PDGFRB: variants seen among roughly 807,000 people sequenced by gnomAD.
The protein encoded by PDGFRB is platelet derived growth factor receptor beta, also known as platelet-derived growth factor receptor beta.
Under a neutral mutation model 120.2 loss-of-function variants are expected in PDGFRB, and 42 were observed. That is an observed-to-expected ratio of 0.35 (90% confidence interval 0.27 to 0.45). The LOEUF is 0.45. Among genes scored for constraint, PDGFRB ranks in the 20% least tolerant of loss-of-function variants. PDGFRB has a pLI of 1.00. For missense variants in PDGFRB, 1,149 were observed against 1,476.3 expected (o/e 0.78, Z 3.63); for synonymous variants, 586 against 606.8 (o/e 0.97, Z 0.50).
At chr5:150,130,091 A>G in intron 9 of PDGFRB, 123 bp from the exon 10 acceptor site, 1 of 775,758 alleles carries the variant, frequency 1.3e-6, no homozygotes, top group Non-Finnish European at 2.2e-6. Flanking sequence ...CCTGTTTCCG[A>G]GCGGGCTCCT....
chr5:150,142,061 G>A (rs1460557345), intron 1 of PDGFRB, among the ~76,000 whole-genome samples: 1 of 152,148 alleles, frequency 6.6e-6, no homozygotes, highest in Non-Finnish European at 1.5e-5. Context: ...CTGGCCATGG[G>A]GTTATGGGGT....
chr5:150,148,713 T>C (rs895420855), intron 1 of PDGFRB, among the ~76,000 whole-genome samples: 2 of 152,254 alleles, frequency 1.3e-5, no homozygotes, highest in African/African-American at 4.8e-5. Context: ...CCAGAGATGA[T>C]GACGCACAGC....
In PDGFRB at chr5:150,124,786, G is replaced by A. The variant is rs139554380; in HGVS notation, c.1853C>T (p.Thr618Met). 1.2e-6 allele frequency: 2 copies of A among 1,608,914 alleles called. No homozygotes were observed. The highest frequency in any genetic ancestry group is 2.2e-5 in the East Asian group (1 of 44,836). Residue 618 changes from threonine (T) to methionine (M), a missense_variant, in exon 13 of 23, where the codon ACG becomes ATG. Around this residue, in one of 3 missense-constraint regions of PDGFRB, gnomAD observed 879 missense variants for 1,108.6 expected, o/e 0.79. Coordinates refer to ENST00000261799, the MANE Select transcript of PDGFRB (RefSeq NM_002609.4). ...CTGAGAATGGCTCAGGCCATGAGCC[G>A]TGGCCTCCACCACCTGCCCAAAGGC... ...SGAFGQVVEA[T>M]AHGLSHSQAT...
intron 4 of PDGFRB, 40 bp from the exon 5 acceptor site, chr5:150,134,048 A>G (rs778698619): frequency 6.3e-7 from 1 of 1,581,794 alleles, no homozygotes; most frequent in Non-Finnish European, 8.6e-7. Context: ...GGAAGTCACC[A>G]CCAGCCACTA....
intron 1 of PDGFRB, among the ~76,000 whole-genome samples, chr5:150,142,058 T>C (rs1221408654): frequency 6.6e-6 from 1 of 151,940 alleles, no homozygotes; most frequent in Non-Finnish European, 1.5e-5. Flanking sequence ...GGCCTGGCCA[T>C]GGGGTTATGG....
Position 150,129,964 on chromosome 5 carries a change from G to T in PDGFRB, c.1372C>A (p.Pro458Thr). ...WSACRDLKRCPRELPPTLLGN... is the reference protein window; with the variant it reads ...WSACRDLKRCTRELPPTLLGN... ...AGCAGCGTGGGCGGCAGCTCACGTG[G>T]ACACCTGCCAGGAGAGCCGGTAGGG... Residue 458 changes from proline (P) to threonine (T), a missense_variant, in exon 10 of 23, where the codon CCA becomes ACA. Pro to Thr is a conservative substitution (Grantham distance 38). Coordinates refer to ENST00000261799, the MANE Select transcript of PDGFRB (RefSeq NM_002609.4). 1 of 1,613,382 alleles carries T rather than the reference G, an allele frequency of 6.2e-7. No individual in the cohort carries two copies. Among genetic ancestry groups the T allele is most frequent in the South Asian group, 1.1e-5 (1 of 91,088 alleles).
At chr5:150,127,928 A>G (rs1319531871) in intron 10 of PDGFRB, among the ~76,000 whole-genome samples, 1 of 151,282 alleles carries the variant, frequency 6.6e-6, no homozygotes, top group African/African-American at 2.4e-5. Flanking sequence ...CATAAGGCAG[A>G]GGCTTCATGA....
At chr5:150,134,199 C>A in intron 4 of PDGFRB, 191 bp from the exon 5 acceptor site, 1 of 603,176 alleles carries the variant, frequency 1.7e-6, no homozygotes. Context: ...CAGTAGTGAA[C>A]AAAGTGGACA....
At chr5:150,126,638 C>CT in intron 10 of PDGFRB, 24 bp from the exon 11 acceptor site, 1 of 1,353,718 alleles carries the variant, frequency 7.4e-7, no homozygotes, top group Non-Finnish European at 1.1e-6. Context: ...TGAGAGCAGG[C>CT]CATGAGCAAA....
chr5:150,126,235 A>G (rs1760288683), intron 11 of PDGFRB, among the ~76,000 whole-genome samples: 1 of 152,180 alleles, frequency 6.6e-6, no homozygotes, highest in Admixed American at 6.5e-5. Flanking sequence ...CAAAGGTCCC[A>G]TGCTCCATGG....
chr5:150,144,638 C>T (rs963597323), intron 1 of PDGFRB, among the ~76,000 whole-genome samples: 1 of 152,242 alleles, frequency 6.6e-6, no homozygotes, highest in Non-Finnish European at 1.5e-5. Context: ...GTGGGGGCAG[C>T]GATGCGGCTG....
At position 150,115,674 on chromosome 5, in the gene PDGFRB, C is replaced by G; in HGVS notation, c.*89G>C. ...GGGACAGCTGATAAGGGCAGCCTGGCTGACAGGAAGCCCGGTCAGGCCAGG... is the reference window on the plus strand; with the variant it reads ...GGGACAGCTGATAAGGGCAGCCTGGGTGACAGGAAGCCCGGTCAGGCCAGG... On this transcript the variant is annotated 3_prime_UTR_variant, in exon 23 of 23. Transcript: ENST00000261799. 7.7e-7 allele frequency: 1 copy of G among 1,291,530 alleles called. No individual in the cohort carries two copies. The highest frequency in any genetic ancestry group is 1.0e-6 in the Non-Finnish European group (1 of 955,866). 80.0% of individuals were successfully genotyped at this position (1,291,530 alleles called of 1,614,324 possible). A position where few individuals can be genotyped will look rare whatever the true frequency, so the allele number is the denominator to read the frequency against.
intron 10 of PDGFRB, among the ~76,000 whole-genome samples, chr5:150,129,512 T>C (rs866855189): frequency 7.2e-5 from 11 of 152,240 alleles, no homozygotes; most frequent in South Asian, 2.1e-4. Flanking sequence ...ATAGTATATG[T>C]ACACCACACT....
intron 11 of PDGFRB, among the ~76,000 whole-genome samples, chr5:150,125,926 A>C (rs919751): frequency 2.0e-5 from 3 of 152,078 alleles, no homozygotes; most frequent in Non-Finnish European, 4.4e-5. Flanking sequence ...GACACCAGGT[A>C]GGGTACTCGG....
intron 1 of PDGFRB, among the ~76,000 whole-genome samples, chr5:150,154,433 A>T (rs1012626610): frequency 1.3e-5 from 2 of 152,090 alleles, no homozygotes; most frequent in Non-Finnish European, 2.9e-5. Flanking sequence ...TATAAAACGG[A>T]GGTAAAAACA....
intron 10 of PDGFRB, 145 bp from the exon 11 acceptor site, chr5:150,126,759 T>C (rs1411722371): frequency 1.4e-5 from 9 of 663,238 alleles, no homozygotes; most frequent in Non-Finnish European, 2.5e-5. Context: ...TGTCAGACCC[T>C]CAGCATCTCG....
intron 14 of PDGFRB, 48 bp from the exon 15 acceptor site, chr5:150,123,249 T>C (rs1029633368): frequency 1.3e-6 from 2 of 1,491,906 alleles, no homozygotes; most frequent in African/African-American, 2.8e-5. Flanking sequence ...GCCTCAGGCG[T>C]CCCTTCAAGG....
At position 150,134,760 on chromosome 5, in the gene PDGFRB, G is replaced by A. The variant is rs1182602545; in HGVS notation, c.621C>T (p.Tyr207=). ...REVDSDAYYV[Y]RLQVSSINVS... Reference sequence around the variant, plus strand: ...AGAAAGGGGGCTCACCCTGGAGTCTGTAGACATAGTAGGCATCAGAATCCA... The same window carrying A: ...AGAAAGGGGGCTCACCCTGGAGTCTATAGACATAGTAGGCATCAGAATCCA... Residue 207 remains tyrosine, a synonymous_variant, in exon 4 of 23, where the codon TAC becomes TAT. Transcript: ENST00000261799. 3 of 1,612,476 alleles carry A rather than the reference G, an allele frequency of 1.9e-6. No individual in the cohort carries two copies. Among genetic ancestry groups the A allele is most frequent in the South Asian group, 1.1e-5 (1 of 90,700 alleles).
At chr5:150,137,267 T>C in intron 1 of PDGFRB, 1 of 526,430 alleles carries the variant, frequency 1.9e-6, no homozygotes, top group Admixed American at 3.5e-5. Flanking sequence ...CTTGGGGTCC[T>C]GGCCTTTGCT....
Sources: gnomAD v4.1 joint callset for allele counts (sites outside exome capture counted in the v4.1 genomes callset) on GRCh38, gnomAD v4.1.1 for gene constraint, gnomAD v4.1.1 regional missense constraint, MANE v1.5 for transcripts, NCBI Gene and HGNC (gene_info 2026-07-23, HGNC 2026-07-21) for gene names.